ZEB2: variants seen among roughly 807,000 people sequenced by gnomAD.
The protein encoded by ZEB2 is zinc finger E-box-binding homeobox 2.
Under a neutral mutation model 99.9 loss-of-function variants are expected in ZEB2, and 6 were observed. That is an observed-to-expected ratio of 0.06 (90% CI 0.03 to 0.12). The LOEUF (loss-of-function observed/expected upper bound fraction) is 0.12. Among genes scored for constraint, ZEB2 ranks in the 10% least tolerant of loss-of-function variants. The probability of loss-of-function intolerance (pLI) is 1.00; values close to 1 mark genes in which losing one functional copy is unlikely to be tolerated. For synonymous variants in ZEB2, 517 were observed against 542.5 expected (o/e 0.95, Z 0.65); for missense variants, 969 against 1,502.8 (o/e 0.64, Z 5.87).
chr2:144,482,850 T>TA (rs1436113102), intron 2 of ZEB2, among the ~76,000 whole-genome samples: 3 of 152,180 alleles, frequency 2.0e-5, no homozygotes, highest in Non-Finnish European at 2.9e-5. Context: ...CTGCCTGTTT[T>TA]ATGACTTTTT....
intron 2 of ZEB2, among the ~76,000 whole-genome samples, chr2:144,493,159 A>T (rs1704706556): frequency 6.8e-6 from 1 of 146,292 alleles, no homozygotes; most frequent in Non-Finnish European, 1.5e-5. Flanking sequence ...TCCAAAGAGT[A>T]AAAAAAAAAG....
At chr2:144,508,185 C>T (rs1210638575) in intron 2 of ZEB2, among the ~76,000 whole-genome samples, 1 of 152,168 alleles carries the variant, frequency 6.6e-6, no homozygotes, top group Non-Finnish European at 1.5e-5. Context: ...CTGGCGCTGC[C>T]CGGGCCCCCG....
At chr2:144,472,554 A>G (rs12624246) in intron 2 of ZEB2, among the ~76,000 whole-genome samples, 118,638 of 152,042 alleles carry the variant, frequency 0.78, 46,682 homozygotes, top group Non-Finnish European at 0.83. Flanking sequence ...CTTATTACTC[A>G]TCACAACAAT....
intron 2 of ZEB2, 151 bp downstream of exon 2, chr2:144,517,127 G>A: frequency 7.9e-6 from 6 of 763,858 alleles, no homozygotes; most frequent in South Asian, 1.0e-4. Context: ...CGCGCGCCGG[G>A]CTCCGGCGCC....
intron 2 of ZEB2, among the ~76,000 whole-genome samples, chr2:144,498,024 A>G: frequency 2.1e-5 from 1 of 47,776 alleles, no homozygotes; most frequent in Non-Finnish European, 3.9e-5. Flanking sequence ...AATATTATAT[A>G]TTATATAATA....
chr2:144,416,354 T>A (rs1703540176), intron 4 of ZEB2, among the ~76,000 whole-genome samples: 1 of 152,198 alleles, frequency 6.6e-6, no homozygotes, highest in Admixed American at 6.5e-5. Context: ...CTTAAAAAAA[T>A]CTTAAATAAT....
At chr2:144,407,863 T>C (rs1383136314) in intron 4 of ZEB2, among the ~76,000 whole-genome samples, 2 of 152,248 alleles carry the variant, frequency 1.3e-5, no homozygotes, top group East Asian at 1.9e-4. Flanking sequence ...CCTAATTTTA[T>C]CTTGATATTT....
rs1263988709 is a variant in ZEB2 at position 144,389,037 on chromosome 2, CAATAAT to C, written c.*408_*413del. 5 of 411,792 alleles carry C rather than the reference CAATAAT, an allele frequency of 1.2e-5. No individual in the cohort carries two copies. The highest frequency in any genetic ancestry group is 2.2e-5 in the Non-Finnish European group (5 of 228,758). 25.5% of individuals were successfully genotyped at this position (411,792 alleles called of 1,614,324 possible). On this transcript the variant is annotated 3_prime_UTR_variant, in exon 10 of 10. Coordinates refer to ENST00000627532, the MANE Select transcript of ZEB2 (RefSeq NM_014795.4). This position sits in a 1 kb window ranked among gnomAD's most constrained non-coding sequence, Gnocchi z 6.8. ...AGCACATTAAATTAAAAAGGAATAA[CAATAAT>C]AATAATAAAAATACTGATGTATGGT...
rs1277944914 is a variant in ZEB2, at chr2:144,429,763, A to G, written c.331+6T>C. On this transcript the variant is annotated splice_donor_region_variant and intron_variant, in intron 3 of 9. Transcript: ENST00000627532. ...AGGAAGAGGCCAAGTGATTTTAGAC[A>G]CTTACCTGGACCATCTACAGAGGCT... The G allele has an allele frequency of 2.5e-6, 4 of 1,613,628 alleles. No homozygotes were observed.
intron 2 of ZEB2, chr2:144,513,050 G>A (rs943803750): frequency 3.9e-6 from 5 of 1,287,240 alleles, no homozygotes; most frequent in Middle Eastern, 3.3e-4. Flanking sequence ...GTCTAAGTGT[G>A]TATGACTCTC....
intron 2 of ZEB2, among the ~76,000 whole-genome samples, chr2:144,452,392 A>C (rs964339719): frequency 1.3e-5 from 2 of 152,182 alleles, no homozygotes; most frequent in Admixed American, 1.3e-4. Context: ...AAAAAAAGTC[A>C]AGGGGTGCTT....
At chr2:144,405,927 T>G (rs1013881378) in intron 4 of ZEB2, among the ~76,000 whole-genome samples, 4 of 152,236 alleles carry the variant, frequency 2.6e-5, no homozygotes, top group Admixed American at 2.6e-4. Context: ...AATAATATTT[T>G]TATGCTAACA....
At chr2:144,447,015 C>CA (rs200426124) in intron 2 of ZEB2, among the ~76,000 whole-genome samples, 12,300 of 74,194 alleles carry the variant, frequency 0.17, 587 homozygotes, top group African/African-American at 0.2. Flanking sequence ...GACACTGTTT[C>CA]AAAAAAAAAA....
At chr2:144,454,156 C>G (rs980971171) in intron 2 of ZEB2, among the ~76,000 whole-genome samples, 2 of 152,110 alleles carry the variant, frequency 1.3e-5, no homozygotes, top group Non-Finnish European at 2.9e-5. Flanking sequence ...ATGGTGTTTC[C>G]TCTTTGCAAA....
At chr2:144,391,257 G>A (rs981042706) in intron 9 of ZEB2, among the ~76,000 whole-genome samples, 7 of 152,184 alleles carry the variant, frequency 4.6e-5, no homozygotes, top group Non-Finnish European at 1.0e-4. Flanking sequence ...GCTGTAGACT[G>A]CTATATGTCA....
At chr2:144,516,253 C>G (rs1395953271) in intron 2 of ZEB2, 1 of 144,358 alleles carries the variant, frequency 6.9e-6, no homozygotes, top group East Asian at 2.1e-4. Context: ...TAGTCCCCAG[C>G]CCTCTCCCCT....
intron 2 of ZEB2, chr2:144,462,083 G>A (rs1455054967): frequency 6.6e-6 from 1 of 152,108 alleles, no homozygotes; most frequent in East Asian, 1.9e-4. Context: ...AAGGAGGGGG[G>A]ACAGGCTTAT....
At chr2:144,436,841 T>C (rs965770682) in intron 2 of ZEB2, among the ~76,000 whole-genome samples, 2 of 152,120 alleles carry the variant, frequency 1.3e-5, no homozygotes, top group Non-Finnish European at 2.9e-5. Context: ...TAAAAACAGA[T>C]ATTGGTCGAA....
intron 2 of ZEB2, among the ~76,000 whole-genome samples, chr2:144,489,923 C>A (rs751575399): frequency 6.6e-6 from 1 of 152,176 alleles, no homozygotes; most frequent in Non-Finnish European, 1.5e-5. Flanking sequence ...GAAACACAAA[C>A]GGAGGCTCTG....
Sources: allele counts gnomAD v4.1 joint callset (sites outside exome capture counted in the v4.1 genomes callset), GRCh38; gene constraint gnomAD v4.1.1; non-coding constraint Gnocchi (gnomAD v3.1); transcripts MANE v1.5; gene names NCBI Gene and HGNC (gene_info 2026-07-23, HGNC 2026-07-21).